The following KANK2 variants were observed in gnomAD, a reference collection of about 807,000 sequenced individuals.
KANK2 encodes KN motif and ankyrin repeat domains 2.
KANK2 carries 41 observed loss-of-function variants against 74.6 expected under a neutral mutation model. The ratio of observed to expected loss-of-function variants is 0.55; its 90% confidence interval spans 0.43 to 0.71. The LOEUF is 0.71. Ranked by LOEUF, KANK2 falls within the 30% of genes least tolerant of loss-of-function variation. The pLI, the probability that KANK2 is intolerant of heterozygous loss-of-function variation, is 0.00. For synonymous variants in KANK2, 537 were observed against 519.0 expected (o/e 1.03, Z -0.47); for missense variants, 1,148 against 1,196.4 (o/e 0.96, Z 0.60).
At chr19:11,176,436 G>A (rs2078338181) in intron 7 of KANK2, 142 bp downstream of exon 7, 1 of 963,934 alleles carries the variant, frequency 1.0e-6, no homozygotes, top group Admixed American at 2.7e-5. Flanking sequence ...TGCCCAGAAG[G>A]AGCAAGTGCT....
chr19:11,173,530 G>A (rs1032982471), intron 9 of KANK2, among the ~76,000 whole-genome samples: 6 of 152,180 alleles, frequency 3.9e-5, no homozygotes, highest in Non-Finnish European at 7.4e-5. Context: ...TGAGGACCAC[G>A]TCTTCTTTCC....
chr19:11,171,001 T>C (rs771753254), intron 10 of KANK2, among the ~76,000 whole-genome samples: 1 of 152,166 alleles, frequency 6.6e-6, no homozygotes, highest in Non-Finnish European at 1.5e-5. Context: ...TTTGTATTTT[T>C]AGTAGAGACA....
chr19:11,195,344 G>A (rs2078987566), intron 2 of KANK2, among the ~76,000 whole-genome samples: 4 of 152,062 alleles, frequency 2.6e-5, no homozygotes, highest in Admixed American at 2.6e-4. Flanking sequence ...GCGCCTGGAG[G>A]CTGCAAAAGG....
chr19:11,181,597 G>A (rs1406101350), intron 4 of KANK2, among the ~76,000 whole-genome samples: 1 of 152,094 alleles, frequency 6.6e-6, no homozygotes, highest in Non-Finnish European at 1.5e-5. Flanking sequence ...GGGTGCCAGG[G>A]GCTGGGGGAA....
At chr19:11,171,163 G>A (rs2078163466) in intron 10 of KANK2, among the ~76,000 whole-genome samples, 1 of 152,202 alleles carries the variant, frequency 6.6e-6, no homozygotes, top group Admixed American at 6.5e-5. Flanking sequence ...TTGGGAGGCC[G>A]AGGTGGGAGG....
At position 11,166,271 on chromosome 19, in the gene KANK2, A is replaced by T. The variant is rs970731060; in HGVS notation, c.*287T>A. 2 of 327,046 alleles carry T rather than the reference A, an allele frequency of 6.1e-6. No homozygotes were observed. Among genetic ancestry groups the T allele is most frequent in the Admixed American group, 9.6e-5 (2 of 20,848 alleles). The allele number at this position is 327,046 out of a possible 1,614,324, so 20.3% of individuals were successfully genotyped here. On this transcript the variant is annotated 3_prime_UTR_variant, in exon 13 of 13. Transcript: ENST00000586659. ...CAGCTGATTGTTCTCAATGTTCTTC[A>T]TAAAACCCACACCCCAGCATCAGCC...
intron 2 of KANK2, chr19:11,195,109 G>A (rs1385819385): frequency 6.5e-6 from 1 of 152,990 alleles, no homozygotes. Flanking sequence ...GTCAGGCCTG[G>A]ACTGGGTCGG....
At chr19:11,197,254 T>G (rs1600830761) in intron 1 of KANK2, 2 of 29,020 alleles carry the variant, frequency 6.9e-5, no homozygotes, top group Admixed American at 4.7e-4. Context: ...GAGGAATCGA[T>G]GGGGGTATGG....
intron 9 of KANK2, among the ~76,000 whole-genome samples, 172 bp downstream of exon 9, chr19:11,174,301 G>C (rs985326919): frequency 4.6e-5 from 7 of 152,172 alleles, no homozygotes; most frequent in African/African-American, 1.7e-4. Context: ...TCGGAAGGTG[G>C]CATCTGCCAC....
At chr19:11,173,827 C>T (rs970896188) in intron 9 of KANK2, among the ~76,000 whole-genome samples, 4 of 152,106 alleles carry the variant, frequency 2.6e-5, no homozygotes, top group African/African-American at 9.7e-5. Context: ...GGTGGTGTCT[C>T]ACTCATTAGA....
intron 4 of KANK2, among the ~76,000 whole-genome samples, chr19:11,184,622 C>T (rs528401019): frequency 2.0e-5 from 3 of 149,072 alleles, no homozygotes; most frequent in South Asian, 2.1e-4. Flanking sequence ...AGTGATTCCG[C>T]GTGGCTGTAT....
intron 4 of KANK2, among the ~76,000 whole-genome samples, chr19:11,189,461 A>G (rs2078773903): frequency 6.6e-6 from 1 of 151,610 alleles, no homozygotes; most frequent in Admixed American, 6.6e-5. Flanking sequence ...AAAATTAGTC[A>G]GTCATGGTGG....
intron 9 of KANK2, among the ~76,000 whole-genome samples, 164 bp downstream of exon 9, chr19:11,174,309 C>T (rs923369606): frequency 1.2e-4 from 18 of 152,126 alleles, no homozygotes; most frequent in Admixed American, 1.1e-3. Flanking sequence ...TGGCATCTGC[C>T]ACATCAGACT....
rs142221848 is a variant in KANK2, at chr19:11,167,161, G to A, written c.2503-550C>T. The stretch of plus-strand genomic sequence containing the variant: ...GCTCACTGCAACCTCTGCCTCCTGG[G>A]TTCAAGTGATTCTCCTGCCTCAGCC... On this transcript the variant is annotated intron_variant, in intron 12 of 12. Transcript: ENST00000586659. Among the ~76,000 whole-genome samples, 133 of 152,166 alleles carry A rather than the reference G, an allele frequency of 8.7e-4. 4 individuals are homozygous for A. The East Asian group carries it at 0.02, about 23-fold the overall frequency.
chr19:11,187,341 TAAG>T (rs1448619211), intron 4 of KANK2, among the ~76,000 whole-genome samples: 1 of 132,586 alleles, frequency 7.5e-6, no homozygotes, highest in African/African-American at 2.7e-5. Flanking sequence ...AAAAATAGTG[TAAG>T]GAGAGGAAAA....
At position 11,166,687 on chromosome 19, in the gene KANK2, T is replaced by C. The variant is rs1222377621; in HGVS notation, c.2503-76A>G. 10 of 1,396,576 alleles carry C rather than the reference T, an allele frequency of 7.2e-6. No individual in the cohort carries two copies. The South Asian group carries it at 9.3e-5, about 13-fold the overall frequency. 86.5% of individuals were successfully genotyped at this position (1,396,576 alleles called of 1,614,324 possible). ...CGAGGCGCCAACGTGGTGGCTGGCC[T>C]GGTAGATATGATGGGTAAGCAGGAG... On this transcript the variant is annotated intron_variant, in intron 12 of 12. Coordinates refer to ENST00000586659, the MANE Select transcript of KANK2 (RefSeq NM_001136191.3).
intron 3 of KANK2, 78 bp from the exon 4 acceptor site, chr19:11,194,120 G>T: frequency 6.8e-7 from 1 of 1,464,836 alleles, no homozygotes; most frequent in Non-Finnish European, 9.1e-7. Context: ...CCTGGGGAGA[G>T]TTGGGGTTTA....
intron 4 of KANK2, among the ~76,000 whole-genome samples, chr19:11,183,819 T>A (rs1391212272): frequency 2.6e-5 from 4 of 151,886 alleles, no homozygotes; most frequent in Non-Finnish European, 5.9e-5. Flanking sequence ...CCCAGCTAAT[T>A]TTTTTGTATT....
chr19:11,166,487 C>T lies in KANK2; in HGVS notation c.*71G>A, dbSNP rs541161277. 5.7e-5 allele frequency: 82 copies of T among 1,433,046 alleles called. No individual in the cohort carries two copies. In the East Asian group the frequency reaches 1.2e-3, roughly 22 times the overall value. 88.8% of individuals were successfully genotyped at this position (1,433,046 alleles called of 1,614,324 possible). On this transcript the variant is annotated 3_prime_UTR_variant, in exon 13 of 13. Transcript: ENST00000586659. ...GTGAGTGGGGTGGGCCAGGGAGGAA[C>T]GGGAACAGGGAGGAGACGGGGACAA...
Sources: allele counts gnomAD v4.1 joint callset (sites outside exome capture counted in the v4.1 genomes callset), GRCh38; gene constraint gnomAD v4.1.1; transcripts MANE v1.5; gene names NCBI Gene and HGNC (gene_info 2026-07-23, HGNC 2026-07-21).